Variants in ADAMTS15 observed in about 807,000 individuals in gnomAD.
ADAMTS15 encodes the protein ADAM metallopeptidase with thrombospondin type 1 motif 15, also known as A disintegrin and metalloproteinase with thrombospondin motifs 15.
A neutral mutation model predicts 79.1 loss-of-function variants in ADAMTS15; 35 were observed. The ratio of observed to expected loss-of-function variants is 0.44; its 90% CI spans 0.34 to 0.59. ADAMTS15 has a LOEUF of 0.59. Ranked by LOEUF, ADAMTS15 falls within the 20% of genes least tolerant of loss-of-function variation. ADAMTS15 has a pLI of 0.02. For synonymous variants in ADAMTS15, 616 were observed against 567.3 expected, an observed-to-expected ratio of 1.09 and a Z score of -1.22; for missense variants, 1,324 against 1,318.7, an observed-to-expected ratio of 1.00 and a Z score of -0.06.
rs775871798 is a variant in ADAMTS15 at position 130,476,147 on chromosome 11, G to C, written c.*2326G>C. The C allele has an allele frequency of 1.3e-5, 2 of 152,160 alleles. No homozygotes were observed. Among genetic ancestry groups the C allele is most frequent in the African/African-American group, 2.4e-5 (1 of 41,416 alleles). 9.4% of individuals were successfully genotyped at this position (152,160 alleles called of 1,614,324 possible). On this transcript the variant is annotated 3_prime_UTR_variant, in exon 8 of 8. Coordinates refer to ENST00000299164, the MANE Select transcript of ADAMTS15 (RefSeq NM_139055.4). Reference sequence around the variant, plus strand: ...ATTTCCTTAATCCAACCATGCTCTCGAGGGCTGAGCAGAGACTAGACTCAA... The same window carrying C: ...ATTTCCTTAATCCAACCATGCTCTCCAGGGCTGAGCAGAGACTAGACTCAA...
chr11:130,470,785 TGGG>T (rs1249095464), intron 5 of ADAMTS15, 132 bp from the exon 6 acceptor site: 12 of 969,332 alleles, frequency 1.2e-5, no homozygotes, highest in Non-Finnish European at 1.7e-5. Context: ...TGCTTTCAGA[TGGG>T]GGGAGGTTGC....
At chr11:130,459,751 G>A (rs755281226) in intron 1 of ADAMTS15, among the ~76,000 whole-genome samples, 44 of 152,312 alleles carry the variant, frequency 2.9e-4, no homozygotes, top group Middle Eastern at 3.4e-3. Flanking sequence ...TCATCTGACC[G>A]TGGGAAGCCA....
chr11:130,450,105 G>C (rs1004204644), intron 1 of ADAMTS15, 175 bp downstream of exon 1: 2 of 985,492 alleles, frequency 2.0e-6, no homozygotes, highest in Non-Finnish European at 2.4e-6. Flanking sequence ...ACGCTCCGCG[G>C]AGCGGCGGCT....
intron 1 of ADAMTS15, among the ~76,000 whole-genome samples, chr11:130,452,555 G>A (rs941319805): frequency 6.6e-6 from 1 of 152,154 alleles, no homozygotes; most frequent in Non-Finnish European, 1.5e-5. Flanking sequence ...GTCCAATAAC[G>A]CTGCCGTTTG....
Position 130,473,810 on chromosome 11 carries a change from A to C in ADAMTS15, c.2842A>C (p.Arg948=). ...KPQELDFCVL[R]PC is the part of the protein sequence containing the mutation. ...CCAGGAGCTGGACTTCTGCGTCCTG[A>C]GGCCGTGCTGAGTGGGGTCATCGCT... The change falls in exon 8 of 8, where the codon AGG becomes CGG. Residue 948 remains arginine, a synonymous_variant. Transcript: ENST00000299164. The C allele has an allele frequency of 6.3e-7, 1 of 1,595,786 alleles. No individual in the cohort carries two copies. Among genetic ancestry groups the C allele is most frequent in the Non-Finnish European group, 8.5e-7 (1 of 1,177,698 alleles).
rs563898457 is a variant in ADAMTS15 at position 130,467,636 on chromosome 11, C to T, written c.1543-1626C>T. Among the ~76,000 whole-genome samples the T allele has an allele frequency of 5.9e-5, 9 of 152,188 alleles. No individual in the cohort carries two copies. In the South Asian group the frequency reaches 1.9e-3, roughly 32 times the overall value. ...GCAGAGTTTTAATTCCAGGCGAGTACAGCAGCCGGGCTGCTTCCTCTATTG... is the reference window on the plus strand; with the variant it reads ...GCAGAGTTTTAATTCCAGGCGAGTATAGCAGCCGGGCTGCTTCCTCTATTG... On this transcript the variant is annotated intron_variant, in intron 4 of 7. Transcript: ENST00000299164.
chr11:130,462,523 A>G lies in ADAMTS15; in HGVS notation c.1285A>G (p.Lys429Glu). 5 of 1,602,682 alleles carry G rather than the reference A, an allele frequency of 3.1e-6. No individual in the cohort carries two copies. Among genetic ancestry groups the G allele is most frequent in the Non-Finnish European group, 4.3e-6 (5 of 1,171,792 alleles). Reference sequence around the variant, plus strand: ...TGACTGCCTCCTGGACCAACCCAGCAAGCCCATCTCCCTGCCCGAGGATCT... The same window carrying G: ...TGACTGCCTCCTGGACCAACCCAGCGAGCCCATCTCCCTGCCCGAGGATCT... ...HGDCLLDQPSKPISLPEDLPG... is the reference protein window; with the variant it reads ...HGDCLLDQPSEPISLPEDLPG... The change falls in exon 4 of 8, where the codon AAG becomes GAG. Residue 429 changes from lysine (K) to glutamate (E), a missense_variant. By Grantham distance (56) the Lys-to-Glu change is moderately conservative (BLOSUM62 1). Transcript: ENST00000299164. This position sits in a 1 kb window ranked among gnomAD's most constrained non-coding sequence, Gnocchi z 4.3.
Position 130,473,199 on chromosome 11 carries a change from C to T in ADAMTS15, c.2231C>T (p.Ser744Leu), listed in dbSNP as rs199699144. The T allele has an allele frequency of 4.1e-5, 66 of 1,614,034 alleles. No individual in the cohort carries two copies. The highest frequency in any genetic ancestry group is 1.3e-4 in the African/African-American group (10 of 75,068). The change falls in exon 8 of 8, where the codon TCG becomes TTG. Residue 744 changes from serine to leucine, a missense_variant. Transcript: ENST00000299164. ...KYLLNGHFVV[S>L]AVERDLVVKG... ...CTGCTCAACGGGCATTTCGTGGTGTCGGCGGTGGAGCGGGACCTGGTGGTG... is the reference window on the plus strand; with the variant it reads ...CTGCTCAACGGGCATTTCGTGGTGTTGGCGGTGGAGCGGGACCTGGTGGTG...
intron 4 of ADAMTS15, among the ~76,000 whole-genome samples, chr11:130,463,248 C>T (rs557923195): frequency 3.3e-4 from 50 of 152,266 alleles, no homozygotes; most frequent in Non-Finnish European, 6.5e-4. Flanking sequence ...AAGCAAAGCC[C>T]TGGGCAAGCT....
In ADAMTS15 at chr11:130,462,034, C is replaced by A; in HGVS notation, c.1091-53C>A. 6.5e-7 allele frequency: 1 copy of A among 1,548,668 alleles called. No homozygotes were observed. The highest frequency in any genetic ancestry group is 1.7e-5 in the Admixed American group (1 of 57,546). On this transcript the variant is annotated intron_variant, in intron 2 of 7. Coordinates refer to ENST00000299164, the MANE Select transcript of ADAMTS15 (RefSeq NM_139055.4). The surrounding 1 kb of genome is among the most constrained non-coding windows in gnomAD (Gnocchi z 4.3). ...AGTTCCCCTGCCCCATTCCTCCCTC[C>A]AACCCCCATGTCCTTCCTCCTGCCC... is the stretch of plus-strand genomic sequence containing the variant.
chr11:130,450,133 T>C (rs768101608), intron 1 of ADAMTS15: 1 of 985,446 alleles, frequency 1.0e-6, no homozygotes, highest in South Asian at 4.7e-5. Context: ...ATCTGGGCCA[T>C]TGGAGGAGAG....
rs1592150244 is a variant in ADAMTS15 at position 130,470,119 on chromosome 11, CATATATATATATACATAT to C, written c.1720+694_1720+711del. Among the ~76,000 whole-genome samples, 5 of 64,022 alleles carry C rather than the reference CATATATATATATACATAT, an allele frequency of 7.8e-5. No homozygotes were observed. In the East Asian group the frequency reaches 9.7e-4, roughly 12 times the overall value. The allele number at this position is 64,022 out of a possible 152,430, so 42.0% of individuals were successfully genotyped here. A position where few individuals can be genotyped will look rare whatever the true frequency, so the allele number is the denominator to read the frequency against. On this transcript the variant is annotated intron_variant, in intron 5 of 7. Transcript: ENST00000299164. ...GTAGTTATCAGGTTCATTACTGAAT[CATATATATATATACATAT>C]ATATATATATATATGTGTATATATA...
intron 5 of ADAMTS15, among the ~76,000 whole-genome samples, chr11:130,470,150 ATG>A (rs869120648): frequency 3.9e-4 from 21 of 53,170 alleles, no homozygotes; most frequent in African/African-American, 1.3e-3. Context: ...ATATATATAT[ATG>A]TGTATATATA....
chr11:130,453,214 G>T (rs371867455), intron 1 of ADAMTS15, among the ~76,000 whole-genome samples: 6 of 151,834 alleles, frequency 4.0e-5, no homozygotes, highest in African/African-American at 1.5e-4. Flanking sequence ...TTTCTATGTC[G>T]TCAGATGCCC....
chr11:130,467,512 A>C (rs958327010), intron 4 of ADAMTS15, among the ~76,000 whole-genome samples: 1 of 152,184 alleles, frequency 6.6e-6, no homozygotes, highest in African/African-American at 2.4e-5. Flanking sequence ...AGATTGAATA[A>C]ATATGCTGGA....
chr11:130,463,712 T>C (rs1938249435), intron 4 of ADAMTS15, among the ~76,000 whole-genome samples: 1 of 152,226 alleles, frequency 6.6e-6, no homozygotes, highest in South Asian at 2.1e-4. Context: ...CCTTCAACCG[T>C]TGGCTAGGCA....
At chr11:130,451,838 A>G (rs1263188467) in intron 1 of ADAMTS15, among the ~76,000 whole-genome samples, 1 of 152,174 alleles carries the variant, frequency 6.6e-6, no homozygotes, top group Admixed American at 6.5e-5. Context: ...TCTATTTCTC[A>G]GTGGTGTGTG....
chr11:130,470,156 A>ATATATATATATATATATATGTGTG (rs1565397650), intron 5 of ADAMTS15, among the ~76,000 whole-genome samples: 10 of 44,414 alleles, frequency 2.3e-4, no homozygotes, highest in Non-Finnish European at 3.6e-4. Flanking sequence ...ATATATGTGT[A>ATATATATATATATATATATGTGTG]TATATATATA....
chr11:130,464,507 T>G (rs182957159), intron 4 of ADAMTS15, among the ~76,000 whole-genome samples: 6 of 152,308 alleles, frequency 3.9e-5, no homozygotes, highest in African/African-American at 1.2e-4. Context: ...CTTCCCAGAT[T>G]ACTCCCTCTG....
Sources: allele counts gnomAD v4.1 joint callset (sites outside exome capture counted in the v4.1 genomes callset), GRCh38; gene constraint gnomAD v4.1.1; non-coding constraint Gnocchi (gnomAD v3.1); transcripts MANE v1.5; gene names NCBI Gene and HGNC (gene_info 2026-07-23, HGNC 2026-07-21).